Variants in RAP1GAP2 observed in about 807,000 individuals in gnomAD.
RAP1GAP2 encodes rap1 GTPase-activating protein 2.
Under a neutral mutation model 95.0 loss-of-function variants are expected in RAP1GAP2, and 27 were observed. That is an observed-to-expected ratio of 0.28 (90% CI 0.21 to 0.39). The LOEUF (loss-of-function observed/expected upper bound fraction) is 0.39, where lower values mean the gene tolerates loss of function less well. RAP1GAP2 is among the 10% of genes least tolerant of loss of function. The probability of loss-of-function intolerance (pLI) is 1.00; values close to 1 mark genes in which losing one functional copy is unlikely to be tolerated. For missense variants in RAP1GAP2, 771 were observed against 970.0 expected, an observed-to-expected ratio of 0.79 and a Z score of 2.72; for synonymous variants, 373 against 380.9, an observed-to-expected ratio of 0.98 and a Z score of 0.24.
intron 8 of RAP1GAP2, among the ~76,000 whole-genome samples, chr17:2,976,853 G>A (rs1295525388): frequency 1.3e-5 from 2 of 152,056 alleles, no homozygotes; most frequent in East Asian, 3.8e-4. Context: ...GATACAAACA[G>A]GCCAGGTGTG....
In RAP1GAP2 at chr17:2,981,247, A is replaced by G. The variant is rs201656017; in HGVS notation, c.728A>G (p.Lys243Arg). ...GLRFNPVLYP[K>R]ASQMIVSYDE... ...AGATTCAATCCTGTCCTGTACCCCA[A>G]GGTAAGGACCTTCATGCTCCCAACA... The change falls in exon 10 of 25, where the codon AAG becomes AGG. Residue 243 changes from lysine to arginine, a missense_variant and splice_region_variant. Physicochemically the swap from Lys to Arg is conservative, Grantham distance 26 (BLOSUM62 2). Transcript: ENST00000254695. 188 of 1,609,710 alleles carry G rather than the reference A, an allele frequency of 1.2e-4. No individual in the cohort carries two copies. The highest frequency in any genetic ancestry group is 1.6e-4 in the Middle Eastern group (1 of 6,082).
In RAP1GAP2 at chr17:2,965,211, C is replaced by T. The variant is rs1483692929; in HGVS notation, c.493-329C>T. 3 of 308,906 alleles carry T rather than the reference C, an allele frequency of 9.7e-6. No homozygotes were observed. Among genetic ancestry groups the T allele is most frequent in the African/African-American group, 6.4e-5 (3 of 47,116 alleles). 19.1% of individuals were successfully genotyped at this position (308,906 alleles called of 1,614,324 possible). On this transcript the variant is annotated intron_variant, in intron 7 of 24. Coordinates refer to ENST00000254695, the MANE Select transcript of RAP1GAP2 (RefSeq NM_015085.5). The surrounding 1 kb of genome is among the most constrained non-coding windows in gnomAD (Gnocchi z 4.7). ...ACAGCTGTGCGTTTGAACCCTGGAT[C>T]TGTCCCTTACTCATCGTGTCATCCT...
chr17:2,985,108 T>G, intron 11 of RAP1GAP2, 42 bp downstream of exon 11: 1 of 1,611,596 alleles, frequency 6.2e-7, no homozygotes, highest in Non-Finnish European at 8.5e-7. Flanking sequence ...TCCCGTGGTT[T>G]CTCACTTAGG....
At chr17:2,864,114 G>T (rs571618603) in intron 2 of RAP1GAP2, among the ~76,000 whole-genome samples, 1 of 151,040 alleles carries the variant, frequency 6.6e-6, no homozygotes, top group Admixed American at 6.6e-5. Flanking sequence ...TGTCCCGTAC[G>T]TAGCAGCATG....
At chr17:3,011,102 A>G (rs182833604) in intron 17 of RAP1GAP2, among the ~76,000 whole-genome samples, 125 of 151,992 alleles carry the variant, frequency 8.2e-4, no homozygotes, top group African/African-American at 2.8e-3. Context: ...AACTTTTTGT[A>G]TTTTTAGTAG....
intron 3 of RAP1GAP2, among the ~76,000 whole-genome samples, chr17:2,911,731 A>G (rs1302711330): frequency 6.6e-6 from 1 of 151,888 alleles, no homozygotes; most frequent in East Asian, 1.9e-4. Context: ...AAGGGGCCCT[A>G]ATGGCAAGCA....
chr17:2,783,091 G>T (rs2068695727), intron 1 of RAP1GAP2, among the ~76,000 whole-genome samples: 1 of 152,148 alleles, frequency 6.6e-6, no homozygotes, highest in African/African-American at 2.4e-5. Context: ...AGAGAGCCTG[G>T]GTTACTTCCA....
intron 1 of RAP1GAP2, among the ~76,000 whole-genome samples, chr17:2,757,348 C>T (rs531977852): frequency 6.6e-6 from 1 of 152,236 alleles, no homozygotes; most frequent in African/African-American, 2.4e-5. Flanking sequence ...TCTCGAACTC[C>T]TGGGCTCGAG....
chr17:2,818,863 A>G (rs922513532), intron 2 of RAP1GAP2, among the ~76,000 whole-genome samples: 63 of 151,998 alleles, frequency 4.1e-4, no homozygotes, highest in African/African-American at 1.4e-3. Flanking sequence ...AAACTGGACT[A>G]ATAGCAAAGC....
chr17:3,003,925 C>T lies in RAP1GAP2; in HGVS notation c.1201-1444C>T, dbSNP rs998342941. Among the ~76,000 whole-genome samples the T allele has an allele frequency of 6.6e-6, 1 of 152,102 alleles. No individual in the cohort carries two copies. Among genetic ancestry groups the T allele is most frequent in the African/African-American group, 2.4e-5 (1 of 41,420 alleles). ...AGGGCTCTGCTGTGGGACTGTCCAGCTGGAGGGTTGGATGGACTTGAGGAT... is the reference window on the plus strand; with the variant it reads ...AGGGCTCTGCTGTGGGACTGTCCAGTTGGAGGGTTGGATGGACTTGAGGAT... On this transcript the variant is annotated intron_variant, in intron 14 of 24. Transcript: ENST00000254695. The surrounding 1 kb of genome is among the most constrained non-coding windows in gnomAD (Gnocchi z 4.1).
intron 3 of RAP1GAP2, among the ~76,000 whole-genome samples, chr17:2,940,411 C>T (rs1327773002): frequency 6.6e-6 from 1 of 152,228 alleles, no homozygotes; most frequent in Non-Finnish European, 1.5e-5. Flanking sequence ...CCTGCCGGGG[C>T]CCGAGGGAAC....
At chr17:2,792,748 AC>A (rs1302649480), upstream of RAP1GAP2, among the ~76,000 whole-genome samples, 1 of 151,916 alleles carries the variant, frequency 6.6e-6, no homozygotes, top group Admixed American at 6.6e-5. Context: ...TCAGGGGCAC[AC>A]CCCCCGGTGG....
At chr17:2,812,275 A>G (rs984749683) in intron 2 of RAP1GAP2, among the ~76,000 whole-genome samples, 3 of 151,890 alleles carry the variant, frequency 2.0e-5, no homozygotes, top group Non-Finnish European at 2.9e-5. Flanking sequence ...CTCTCAATTA[A>G]CCTTTTCTCT....
chr17:3,003,191 G>C lies in RAP1GAP2; in HGVS notation c.1201-2178G>C, dbSNP rs776255173. 6.6e-6 allele frequency among the ~76,000 whole-genome samples: 1 copy of C among 152,182 alleles called. No individual in the cohort carries two copies. Among genetic ancestry groups the C allele is most frequent in the East Asian group, 1.9e-4 (1 of 5,194 alleles). On this transcript the variant is annotated intron_variant, in intron 14 of 24. Coordinates refer to ENST00000254695, the MANE Select transcript of RAP1GAP2 (RefSeq NM_015085.5). The surrounding 1 kb of genome is among the most constrained non-coding windows in gnomAD (Gnocchi z 4.1). ...GCCAGGGAGCTGTGGCTGAGGTCCT[G>C]TCTGGGTCTGCTTGCGGTCTTGGTC... is the stretch of plus-strand genomic sequence containing the variant.
intron 2 of RAP1GAP2, among the ~76,000 whole-genome samples, chr17:2,856,880 G>C (rs1450079805): frequency 6.6e-6 from 1 of 152,248 alleles, no homozygotes; most frequent in South Asian, 2.1e-4. Flanking sequence ...CAAGGAGAAA[G>C]AGTGATTGAT....
At chr17:2,984,416 A>G (rs1382811087) in intron 10 of RAP1GAP2, among the ~76,000 whole-genome samples, 2 of 152,234 alleles carry the variant, frequency 1.3e-5, no homozygotes, top group African/African-American at 4.8e-5. Flanking sequence ...CATCAACTCT[A>G]TGATGCGTAA....
intron 3 of RAP1GAP2, among the ~76,000 whole-genome samples, chr17:2,950,902 C>T (rs1426902403): frequency 5.3e-5 from 8 of 152,180 alleles, no homozygotes; most frequent in Admixed American, 3.3e-4. Context: ...TGAGCCACCG[C>T]GCCCGGCCTG....
intron 1 of RAP1GAP2, among the ~76,000 whole-genome samples, chr17:2,766,527 T>A (rs1322576047): frequency 6.6e-6 from 1 of 151,906 alleles, no homozygotes; most frequent in East Asian, 1.9e-4. Flanking sequence ...GGAGAATTGC[T>A]TGAACCCAGG....
At chr17:2,776,945 A>G (rs1232756965), upstream of RAP1GAP2, 1 of 153,036 alleles carries the variant, frequency 6.5e-6, no homozygotes, top group African/African-American at 2.4e-5. Context: ...GGCGGCGCAG[A>G]AGGTCAGTGG....
Sources: allele counts gnomAD v4.1 joint callset (sites outside exome capture counted in the v4.1 genomes callset), GRCh38; gene constraint gnomAD v4.1.1; non-coding constraint Gnocchi (gnomAD v3.1); transcripts MANE v1.5; gene names NCBI Gene and HGNC (gene_info 2026-07-23, HGNC 2026-07-21).